The following PLCB1 variants were observed in gnomAD, a reference collection of about 807,000 sequenced individuals.
PLCB1 encodes 1-phosphatidylinositol 4,5-bisphosphate phosphodiesterase beta-1.
A neutral mutation model predicts 161.8 loss-of-function variants in PLCB1; 46 were observed. That is an observed-to-expected ratio of 0.28 (90% confidence interval 0.22 to 0.36). The LOEUF (loss-of-function observed/expected upper bound fraction) is 0.36. PLCB1 is among the 10% of genes least tolerant of loss of function. The probability of loss-of-function intolerance (pLI) is 1.00; values close to 1 mark genes in which losing one functional copy is unlikely to be tolerated. For missense variants in PLCB1, 1,016 were observed against 1,472.5 expected (o/e 0.69, Z 5.07); for synonymous variants, 517 against 503.7 (o/e 1.03, Z -0.35).
chr20:8,157,889 A>G (rs2051578497), intron 2 of PLCB1, among the ~76,000 whole-genome samples: 1 of 152,246 alleles, frequency 6.6e-6, no homozygotes, highest in African/African-American at 2.4e-5. Flanking sequence ...GCATAACAAC[A>G]GCAATGCTTG....
intron 23 of PLCB1, among the ~76,000 whole-genome samples, chr20:8,749,953 A>AT (rs1324512673): frequency 2.3e-3 from 20 of 8,830 alleles, no homozygotes; most frequent in Admixed American, 0.017. Flanking sequence ...CATTCATTCA[A>AT]TATTTTTTTT....
At position 8,666,394 on chromosome 20, in the gene PLCB1, T is replaced by C. The variant is rs574719177; in HGVS notation, c.862+7690T>C. 3.3e-5 allele frequency among the ~76,000 whole-genome samples: 5 copies of C among 152,184 alleles called. No individual in the cohort carries two copies. In the East Asian group the frequency reaches 9.7e-4, roughly 29 times the overall value. ...AAGGGAATCAAAAGTGAAAGATGGG[T>C]AAGGTCAGAGTTGCTGAGCATTGAG... On this transcript the variant is annotated intron_variant, in intron 9 of 31. Coordinates refer to ENST00000338037, the MANE Select transcript of PLCB1 (RefSeq NM_015192.4).
chr20:8,630,945 A>G (rs2123228852), intron 4 of PLCB1, among the ~76,000 whole-genome samples: 1 of 152,246 alleles, frequency 6.6e-6, no homozygotes, highest in African/African-American at 2.4e-5. Context: ...ATTCCCTCTC[A>G]GGAGTGCATC....
chr20:8,403,657 G>A (rs1978661121), intron 3 of PLCB1, among the ~76,000 whole-genome samples: 2 of 152,144 alleles, frequency 1.3e-5, no homozygotes, highest in Non-Finnish European at 1.5e-5. Context: ...CTACTTGGAA[G>A]CCTGAAGCAG....
intron 3 of PLCB1, among the ~76,000 whole-genome samples, chr20:8,398,410 C>G (rs2122461291): frequency 1.3e-5 from 2 of 152,082 alleles, no homozygotes; most frequent in East Asian, 3.9e-4. Context: ...TAACAAATTA[C>G]CATAGACTGG....
chr20:8,876,719 C>T (rs1431565471), intron 31 of PLCB1, among the ~76,000 whole-genome samples: 3 of 152,094 alleles, frequency 2.0e-5, no homozygotes, highest in African/African-American at 7.2e-5. Context: ...TAGGGGTGAG[C>T]TGGTTTAGAA....
intron 18 of PLCB1, chr20:8,729,859 T>C (rs887515280): frequency 4.6e-5 from 7 of 152,026 alleles, no homozygotes; most frequent in African/African-American, 1.7e-4. Context: ...TACTCCGCTG[T>C]CAGCAATGTT....
At chr20:8,682,730 G>T (rs1052438918) in intron 9 of PLCB1, among the ~76,000 whole-genome samples, 2 of 152,250 alleles carry the variant, frequency 1.3e-5, no homozygotes, top group Admixed American at 6.5e-5. Flanking sequence ...TTACTGATAG[G>T]TTTGGCAGTA....
intron 2 of PLCB1, among the ~76,000 whole-genome samples, chr20:8,254,067 T>C (rs928297076): frequency 6.6e-6 from 1 of 152,084 alleles, no homozygotes; most frequent in South Asian, 2.1e-4. Flanking sequence ...TTCACACATA[T>C]ATTGAAAGCA....
intron 24 of PLCB1, 27 bp downstream of exon 24, chr20:8,757,205 A>G (rs1981783737): frequency 1.3e-6 from 2 of 1,589,116 alleles, no homozygotes; most frequent in Admixed American, 1.8e-5. Flanking sequence ...GAGCTGGACA[A>G]CATGAGCAAG....
chr20:8,744,004 T>C, intron 23 of PLCB1, among the ~76,000 whole-genome samples: 1 of 152,296 alleles, frequency 6.6e-6, no homozygotes. Flanking sequence ...ATAATTTACA[T>C]AGATACAAAT....
intron 2 of PLCB1, among the ~76,000 whole-genome samples, chr20:8,251,495 C>A (rs1411622615): frequency 4.0e-5 from 6 of 151,852 alleles, no homozygotes; most frequent in African/African-American, 1.5e-4. Flanking sequence ...GCATGAAGAC[C>A]TGCCAGAGCT....
intron 31 of PLCB1, among the ~76,000 whole-genome samples, chr20:8,863,235 T>C (rs140377353): frequency 1.5e-3 from 224 of 152,344 alleles, no homozygotes; most frequent in African/African-American, 4.9e-3. Context: ...AAGATTATAA[T>C]GCTAGAGTCT....
At chr20:8,194,381 A>C in intron 2 of PLCB1, among the ~76,000 whole-genome samples, 1 of 152,026 alleles carries the variant, frequency 6.6e-6, no homozygotes, top group Admixed American at 6.6e-5. Context: ...CAATGGTGGA[A>C]AAACTCCCGT....
At chr20:8,684,178 C>T (rs988941806) in intron 9 of PLCB1, among the ~76,000 whole-genome samples, 2 of 151,308 alleles carry the variant, frequency 1.3e-5, no homozygotes, top group African/African-American at 4.9e-5. Context: ...GCCACCGCGC[C>T]CAGCCCCAAA....
intron 3 of PLCB1, among the ~76,000 whole-genome samples, chr20:8,572,553 A>T (rs893735691): frequency 4.6e-5 from 7 of 152,338 alleles, no homozygotes; most frequent in African/African-American, 7.2e-5. Context: ...TTTGAGCCTC[A>T]TTGAACTCTC....
chr20:8,523,490 C>CCCTATATATATATATATATATATA (rs1206489907), intron 3 of PLCB1, among the ~76,000 whole-genome samples: 1 of 67,722 alleles, frequency 1.5e-5, no homozygotes. Flanking sequence ...CTCTCTCTCT[C>CCCTATATATATATATATATATATA]TCTCTCTATA....
chr20:8,464,785 G>T (rs1290465129), intron 3 of PLCB1, among the ~76,000 whole-genome samples: 2 of 152,128 alleles, frequency 1.3e-5, no homozygotes, highest in African/African-American at 4.8e-5. Context: ...TGAGGCAGCT[G>T]CTGAATAAAG....
chr20:8,834,812 A>G (rs1209466923), intron 31 of PLCB1, among the ~76,000 whole-genome samples: 23 of 31,770 alleles, frequency 7.2e-4, no homozygotes, highest in East Asian at 7.2e-3. Context: ...CTGCCTCAGA[A>G]AAAAAAAAAA....
Sources: gnomAD v4.1 joint callset for allele counts (sites outside exome capture counted in the v4.1 genomes callset) on GRCh38, gnomAD v4.1.1 for gene constraint, MANE v1.5 for transcripts, NCBI Gene and HGNC (gene_info 2026-07-23, HGNC 2026-07-21) for gene names.